SCAMP1: variants seen among roughly 807,000 people sequenced by gnomAD.
SCAMP1 encodes secretory carrier membrane protein 1.
Under a neutral mutation model 41.8 loss-of-function variants are expected in SCAMP1, and 15 were observed. The observed-to-expected ratio is 0.36, with a 90% CI of 0.24 to 0.55. The LOEUF (loss-of-function observed/expected upper bound fraction) is 0.55. SCAMP1 is among the 20% of genes least tolerant of loss of function. The pLI, the probability that SCAMP1 is intolerant of heterozygous loss-of-function variation, is 0.86. For missense variants in SCAMP1, 341 were observed against 412.6 expected (o/e 0.83, Z 1.50); for synonymous variants, 135 against 136.8 (o/e 0.99, Z 0.09).
intron 8 of SCAMP1, among the ~76,000 whole-genome samples, chr5:78,471,973 A>C (rs1459127549): frequency 5.3e-5 from 8 of 152,044 alleles, no homozygotes; most frequent in Non-Finnish European, 1.2e-4. Flanking sequence ...TCCTAGAACT[A>C]AATATTATTT....
chr5:78,477,819 A>T lies in SCAMP1; in HGVS notation c.*2151A>T, dbSNP rs1305518971. ...TTGAAATGATGGCAATGCTTATAGT[A>T]TGATCAAGTATGAAAGGAACTTTAA... On this transcript the variant is annotated 3_prime_UTR_variant, in exon 9 of 9. Transcript: ENST00000621999. 1 of 152,144 alleles carries T rather than the reference A, an allele frequency of 6.6e-6. No homozygotes were observed. Among genetic ancestry groups the T allele is most frequent in the East Asian group, 1.9e-4 (1 of 5,200 alleles). The allele number at this position is 152,144 out of a possible 1,614,324, so 9.4% of individuals were successfully genotyped here.
At chr5:78,428,633 C>CA (rs1272931053) in intron 6 of SCAMP1, among the ~76,000 whole-genome samples, 3 of 151,744 alleles carry the variant, frequency 2.0e-5, no homozygotes, top group Non-Finnish European at 4.4e-5. Flanking sequence ...CCTGTTTCTA[C>CA]AAAAAATAAA....
At chr5:78,399,916 T>C (rs545433874) in intron 2 of SCAMP1, among the ~76,000 whole-genome samples, 1 of 152,318 alleles carries the variant, frequency 6.6e-6, no homozygotes, top group South Asian at 2.1e-4. Flanking sequence ...AGTTTTATTG[T>C]TTTGCATTTT....
intron 8 of SCAMP1, among the ~76,000 whole-genome samples, chr5:78,462,016 G>GAATCTATATATTGC (rs1753627631): frequency 6.6e-6 from 1 of 152,106 alleles, no homozygotes. Context: ...GGATTGTATT[G>GAATCTATATATTGC]AATCTATATA....
rs907975116 is a variant in SCAMP1 at position 78,442,290 on chromosome 5, A to T, written c.633-7643A>T. Among the ~76,000 whole-genome samples, 6 of 152,150 alleles carry T rather than the reference A, an allele frequency of 3.9e-5. No individual in the cohort carries two copies. The East Asian group carries it at 1.2e-3, about 29-fold the overall frequency. On this transcript the variant is annotated intron_variant, in intron 6 of 8. Transcript: ENST00000621999. The stretch of plus-strand genomic sequence containing the variant: ...GTTTTTTGTTTGTTTGTTTGTTTTG[A>T]GACAGAGTCTTTCTCTGTTGCCCAA...
At chr5:78,422,183 A>C (rs1752353781) in intron 6 of SCAMP1, among the ~76,000 whole-genome samples, 1 of 152,176 alleles carries the variant, frequency 6.6e-6, no homozygotes, top group Non-Finnish European at 1.5e-5. Context: ...CCAAACATGA[A>C]AATTGATGGA....
chr5:78,460,072 A>G (rs1753545926), intron 8 of SCAMP1, among the ~76,000 whole-genome samples: 1 of 152,146 alleles, frequency 6.6e-6, no homozygotes, highest in Admixed American at 6.5e-5. Flanking sequence ...CTATGTTGCT[A>G]CGAAGGACAT....
rs189216539 is a variant in SCAMP1, at chr5:78,383,958, T to C, written c.58-4879T>C. Among the ~76,000 whole-genome samples, 410 of 152,290 alleles carry C rather than the reference T, an allele frequency of 2.7e-3. 2 individuals carry two copies. The highest frequency in any genetic ancestry group is 9.4e-3 in the African/African-American group (391 of 41,566). On this transcript the variant is annotated intron_variant, in intron 1 of 8. Transcript: ENST00000621999. ...ATGAATTTCAGGATTGTTTTTCTAG[T>C]TCTGTGAAGAATGATGATGGTATTT... is the stretch of plus-strand genomic sequence containing the variant.
intron 6 of SCAMP1, among the ~76,000 whole-genome samples, chr5:78,441,430 A>T (rs1407706703): frequency 6.6e-6 from 1 of 152,218 alleles, no homozygotes; most frequent in Non-Finnish European, 1.5e-5. Context: ...GTTTCAAAGT[A>T]TATGATTAAA....
chr5:78,391,496 C>T (rs1433911351), intron 2 of SCAMP1, among the ~76,000 whole-genome samples: 2 of 151,280 alleles, frequency 1.3e-5, no homozygotes, highest in African/African-American at 4.9e-5. Context: ...GGCTGCAGGG[C>T]GGAGACGCTC....
intron 2 of SCAMP1, among the ~76,000 whole-genome samples, chr5:78,408,283 G>T (rs1032421358): frequency 6.6e-6 from 1 of 152,016 alleles, no homozygotes; most frequent in African/African-American, 2.4e-5. Flanking sequence ...AAACCATCAG[G>T]TATCATGAGA....
intron 6 of SCAMP1, among the ~76,000 whole-genome samples, chr5:78,422,379 C>T (rs902507239): frequency 2.6e-5 from 4 of 151,314 alleles, no homozygotes; most frequent in Non-Finnish European, 4.4e-5. Flanking sequence ...TAAAATGAGC[C>T]ATTTGCACCT....
chr5:78,456,526 G>T (rs1416430494), intron 7 of SCAMP1, among the ~76,000 whole-genome samples: 1 of 151,402 alleles, frequency 6.6e-6, no homozygotes, highest in Non-Finnish European at 1.5e-5. Context: ...ACTCTCTTCT[G>T]GCTTGTAGGG....
intron 6 of SCAMP1, 56 bp downstream of exon 6, chr5:78,422,016 G>C: frequency 7.1e-7 from 1 of 1,416,346 alleles, no homozygotes; most frequent in East Asian, 2.3e-5. Flanking sequence ...TAAATAATTC[G>C]TAGTATACAT....
At chr5:78,382,149 A>G (rs1751218817) in intron 1 of SCAMP1, among the ~76,000 whole-genome samples, 1 of 152,104 alleles carries the variant, frequency 6.6e-6, no homozygotes, top group African/African-American at 2.4e-5. Flanking sequence ...TGAATGAGAA[A>G]TTCTGGGGGT....
At chr5:78,398,842 G>A (rs964121809) in intron 2 of SCAMP1, among the ~76,000 whole-genome samples, 1 of 152,106 alleles carries the variant, frequency 6.6e-6, no homozygotes, top group Non-Finnish European at 1.5e-5. Flanking sequence ...ACCGCGCATG[G>A]CCCCAGCGTT....
At chr5:78,471,846 T>C (rs1441235461) in intron 8 of SCAMP1, among the ~76,000 whole-genome samples, 1 of 152,134 alleles carries the variant, frequency 6.6e-6, no homozygotes, top group Non-Finnish European at 1.5e-5. Context: ...GAGGAGCAGA[T>C]AGTGTAACAA....
chr5:78,430,066 GTATT>G (rs1420915983), intron 6 of SCAMP1, among the ~76,000 whole-genome samples: 7 of 114,988 alleles, frequency 6.1e-5, no homozygotes, highest in African/African-American at 1.7e-4. Context: ...TATAAATACA[GTATT>G]TATTTATAAA....
intron 8 of SCAMP1, among the ~76,000 whole-genome samples, chr5:78,472,707 G>T (rs1052593545): frequency 6.6e-6 from 1 of 152,128 alleles, no homozygotes; most frequent in Non-Finnish European, 1.5e-5. Flanking sequence ...ATTGAGAAAT[G>T]TGGCTATTCC....
Sources: gnomAD v4.1 joint callset for allele counts (sites outside exome capture counted in the v4.1 genomes callset) on GRCh38, gnomAD v4.1.1 for gene constraint, MANE v1.5 for transcripts, NCBI Gene and HGNC (gene_info 2026-07-23, HGNC 2026-07-21) for gene names.